The following JAZF1 variants were observed in gnomAD, a reference collection of about 807,000 sequenced individuals.
JAZF1 encodes the protein JAZF zinc finger 1.
A neutral mutation model predicts 26.4 loss-of-function variants in JAZF1; 8 were observed. That is an observed-to-expected ratio of 0.30 (90% confidence interval 0.18 to 0.55). JAZF1 has a LOEUF of 0.55. Ranked by LOEUF, JAZF1 falls within the 20% of genes least tolerant of loss-of-function variation. The pLI is 0.94. For missense variants in JAZF1, 199 were observed against 322.0 expected, an observed-to-expected ratio of 0.62 and a Z score of 2.92; for synonymous variants, 126 against 122.3, an observed-to-expected ratio of 1.03 and a Z score of -0.20.
chr7:28,060,166 A>G lies in JAZF1; in HGVS notation c.116-68185T>C, dbSNP rs139090524. ...AATTTAAATTTCTATATTTTAGTTA[A>G]TAAGTTGTATCTGCTTTTCAAATTT... On this transcript the variant is annotated intron_variant, in intron 1 of 4. Coordinates refer to ENST00000283928, the MANE Select transcript of JAZF1 (RefSeq NM_175061.4). 1.3e-3 allele frequency among the ~76,000 whole-genome samples: 193 copies of G among 152,274 alleles called. 7 individuals carry two copies. The East Asian group carries it at 0.034, about 27-fold the overall frequency.
intron 2 of JAZF1, among the ~76,000 whole-genome samples, chr7:27,925,853 G>C (rs17156032): frequency 0.063 from 9,604 of 152,288 alleles, 798 homozygotes; most frequent in East Asian, 0.29. Flanking sequence ...GAGGTCACCT[G>C]GATGCAGATC....
At chr7:27,955,231 AAC>A (rs1562539499) in intron 2 of JAZF1, among the ~76,000 whole-genome samples, 1 of 152,236 alleles carries the variant, frequency 6.6e-6, no homozygotes, top group Non-Finnish European at 1.5e-5. Context: ...TCATAAATGA[AAC>A]ACATCCTTTG....
rs909867260 is a variant in JAZF1 at position 27,840,236 on chromosome 7, A to G, written c.555+462T>C. On this transcript the variant is annotated intron_variant, in intron 4 of 4. Transcript: ENST00000283928. This position sits in a 1 kb window ranked among gnomAD's most constrained non-coding sequence, Gnocchi z 5.1. The stretch of plus-strand genomic sequence containing the variant: ...CAAGAACTTCCTCAGCTGGAAGCTA[A>G]ATACCCTCCACACTCACCAAATGGC... Among the ~76,000 whole-genome samples the G allele has an allele frequency of 1.3e-5, 2 of 152,190 alleles. No individual in the cohort carries two copies. The highest frequency in any genetic ancestry group is 4.8e-5 in the African/African-American group (2 of 41,436).
chr7:28,117,798 C>A (rs1784770088), intron 1 of JAZF1, among the ~76,000 whole-genome samples: 1 of 152,178 alleles, frequency 6.6e-6, no homozygotes, highest in African/African-American at 2.4e-5. Context: ...TCAACAATAT[C>A]TTTTGAGCAG....
At chr7:27,879,377 C>T (rs555126529) in intron 3 of JAZF1, among the ~76,000 whole-genome samples, 16 of 152,270 alleles carry the variant, frequency 1.1e-4, no homozygotes, top group Middle Eastern at 3.4e-3. Flanking sequence ...AACCCATGAC[C>T]TCAGACTTAT....
chr7:28,059,951 G>C (rs6462063), intron 1 of JAZF1, among the ~76,000 whole-genome samples: 1 of 151,882 alleles, frequency 6.6e-6, no homozygotes, highest in African/African-American at 2.4e-5. Flanking sequence ...ACATTTAGTC[G>C]TGTTTAATGT....
intron 1 of JAZF1, among the ~76,000 whole-genome samples, chr7:28,131,143 G>A (rs1226021956): frequency 6.6e-6 from 1 of 152,074 alleles, no homozygotes; most frequent in Non-Finnish European, 1.5e-5. Flanking sequence ...AAAATTTTAA[G>A]AAGCCCTAAC....
intron 1 of JAZF1, among the ~76,000 whole-genome samples, chr7:27,998,085 G>GGCAA (rs1786059269): frequency 2.0e-5 from 3 of 151,936 alleles, no homozygotes; most frequent in Admixed American, 2.0e-4. Context: ...CAGGCAGGCA[G>GGCAA]GCAGGCAGGC....
rs1204667345 is a variant in JAZF1 at position 28,111,958 on chromosome 7, T to C, written c.115+68505A>G. 2.6e-5 allele frequency among the ~76,000 whole-genome samples: 4 copies of C among 152,206 alleles called. No individual in the cohort carries two copies. In the East Asian group the frequency reaches 7.7e-4, roughly 29 times the overall value. ...TCTATATGCCTGACCTAGAATTGTG[T>C]AGTATTATGGTGCTATACCAACATC... On this transcript the variant is annotated intron_variant, in intron 1 of 4. Coordinates refer to ENST00000283928, the MANE Select transcript of JAZF1 (RefSeq NM_175061.4).
chr7:28,165,412 T>A (rs1783353246), intron 1 of JAZF1, among the ~76,000 whole-genome samples: 1 of 151,874 alleles, frequency 6.6e-6, no homozygotes, highest in East Asian at 1.9e-4. Flanking sequence ...AAGGTGGTAA[T>A]GGGGCTTTGA....
chr7:27,957,737 G>A lies in JAZF1; in HGVS notation c.188+34172C>T, dbSNP rs138114292. Among the ~76,000 whole-genome samples the A allele has an allele frequency of 7.6e-3, 1,152 of 152,272 alleles. 11 individuals are homozygous for A. The highest frequency in any genetic ancestry group is 0.026 in the African/African-American group (1,092 of 41,544). The stretch of plus-strand genomic sequence containing the variant: ...CACAGTCTGTTTCTGAGGATTTAAT[G>A]ACTTCTTAATAGAACAGAGTGCACA... On this transcript the variant is annotated intron_variant, in intron 2 of 4. Coordinates refer to ENST00000283928, the MANE Select transcript of JAZF1 (RefSeq NM_175061.4).
At chr7:27,915,202 G>A (rs535346571) in intron 2 of JAZF1, among the ~76,000 whole-genome samples, 6 of 152,288 alleles carry the variant, frequency 3.9e-5, no homozygotes, top group African/African-American at 1.2e-4. Context: ...AATAAACAGG[G>A]AGGAGCTCAA....
chr7:27,914,935 G>T, intron 2 of JAZF1: 1 of 417,594 alleles, frequency 2.4e-6, no homozygotes. Flanking sequence ...TTTACTTTAT[G>T]TAAAGGATTT....
intron 2 of JAZF1, among the ~76,000 whole-genome samples, chr7:27,939,974 C>A (rs984879243): frequency 2.0e-5 from 3 of 152,158 alleles, no homozygotes; most frequent in Non-Finnish European, 4.4e-5. Context: ...GCTGCCGTGG[C>A]CAGTGAGGAG....
intron 3 of JAZF1, among the ~76,000 whole-genome samples, chr7:27,845,179 A>C (rs1380997066): frequency 6.6e-6 from 1 of 152,260 alleles, no homozygotes; most frequent in African/African-American, 2.4e-5. Context: ...TATAGTTATA[A>C]GCAGTTGGGG....
At chr7:28,177,537 T>C (rs552645361) in intron 1 of JAZF1, among the ~76,000 whole-genome samples, 1 of 152,294 alleles carries the variant, frequency 6.6e-6, no homozygotes, top group South Asian at 2.1e-4. Context: ...TTTTTACTAG[T>C]GGCTAAAGGT....
chr7:27,947,907 T>C (rs1317038485), intron 2 of JAZF1, among the ~76,000 whole-genome samples: 4 of 152,168 alleles, frequency 2.6e-5, no homozygotes, highest in African/African-American at 9.7e-5. Context: ...ACAAGCCGTC[T>C]CTACCTCCAG....
chr7:28,057,871 T>C (rs1420202765), intron 1 of JAZF1, among the ~76,000 whole-genome samples: 1 of 152,242 alleles, frequency 6.6e-6, no homozygotes, highest in Non-Finnish European at 1.5e-5. Context: ...GTTTGTCAAC[T>C]CTATTCATCT....
chr7:27,944,900 T>C (rs1784902750), intron 2 of JAZF1, among the ~76,000 whole-genome samples: 1 of 152,176 alleles, frequency 6.6e-6, no homozygotes, highest in Non-Finnish European at 1.5e-5. Flanking sequence ...AGGAAACCCC[T>C]TGCCTAATTT....
Sources: gnomAD v4.1 joint callset for allele counts (sites outside exome capture counted in the v4.1 genomes callset) on GRCh38, gnomAD v4.1.1 for gene constraint, Gnocchi (gnomAD v3.1) non-coding constraint, MANE v1.5 for transcripts, NCBI Gene and HGNC (gene_info 2026-07-23, HGNC 2026-07-21) for gene names.